TMEM132C: variants seen among roughly 807,000 people sequenced by gnomAD.
The protein encoded by TMEM132C is protein phosphatase 1, regulatory subunit 152.
A neutral mutation model predicts 61.4 loss-of-function variants in TMEM132C; 29 were observed. The observed-to-expected ratio is 0.47, with a 90% CI of 0.35 to 0.64. TMEM132C has a LOEUF of 0.64. TMEM132C is among the 30% of genes least tolerant of loss of function. TMEM132C has a pLI of 0.00. For synonymous variants in TMEM132C, 656 were observed against 633.1 expected, an observed-to-expected ratio of 1.04 and a Z score of -0.54; for missense variants, 1,408 against 1,476.9, an observed-to-expected ratio of 0.95 and a Z score of 0.76.
rs1206662268 is a variant in TMEM132C at position 128,705,121 on chromosome 12, G to A, written c.2153G>A (p.Ser718Asn). ...EAVFSTWLQF[S>N]DGSVTPLDIY... ...GTATTCAGCACGTGGCTGCAGTTCA[G>A]TGATGGCTCTGTGACGCCCCTGGAC... Residue 718 changes from serine to asparagine, a missense_variant, in exon 9 of 9, where the codon AGT (serine) becomes AAT (asparagine). Ser to Asn is a conservative substitution (Grantham distance 46, BLOSUM62 1). Coordinates refer to ENST00000435159, the MANE Select transcript of TMEM132C (RefSeq NM_001136103.3). 1 of 1,548,896 alleles carries A rather than the reference G, an allele frequency of 6.5e-7. No individual in the cohort carries two copies. Among genetic ancestry groups the A allele is most frequent in the Admixed American group, 2.0e-5 (1 of 50,870 alleles).
chr12:128,330,986 C>T (rs1208007810), intron 1 of TMEM132C, among the ~76,000 whole-genome samples: 3 of 152,178 alleles, frequency 2.0e-5, no homozygotes, highest in African/African-American at 7.2e-5. Context: ...AGAATTTCAT[C>T]CTGTTTGTGT....
intron 1 of TMEM132C, among the ~76,000 whole-genome samples, chr12:128,379,464 G>A (rs889743332): frequency 6.6e-6 from 1 of 152,148 alleles, no homozygotes; most frequent in African/African-American, 2.4e-5. Flanking sequence ...AAGACAACAG[G>A]GATTTAATTC....
intron 2 of TMEM132C, among the ~76,000 whole-genome samples, chr12:128,487,628 T>TATATGC (rs1354156295): frequency 6.9e-6 from 1 of 145,042 alleles, no homozygotes; most frequent in Admixed American, 6.9e-5. Flanking sequence ...TATATATATA[T>TATATGC]ATGCATGCAT....
At chr12:128,539,478 C>T (rs1297513189) in intron 2 of TMEM132C, among the ~76,000 whole-genome samples, 5 of 152,112 alleles carry the variant, frequency 3.3e-5, no homozygotes, top group Admixed American at 1.3e-4. Flanking sequence ...ATTAGCTGGG[C>T]GTGGCGGTGG....
intron 1 of TMEM132C, among the ~76,000 whole-genome samples, chr12:128,283,465 T>C (rs1022194079): frequency 2.6e-5 from 4 of 152,082 alleles, no homozygotes; most frequent in Non-Finnish European, 4.4e-5. Flanking sequence ...TGTGCACACA[T>C]TGGCCTTTCT....
intron 2 of TMEM132C, among the ~76,000 whole-genome samples, chr12:128,525,655 A>G (rs1312834127): frequency 2.0e-5 from 3 of 152,042 alleles, no homozygotes; most frequent in Non-Finnish European, 4.4e-5. Context: ...AGCTTCTAGA[A>G]CCCATCGGCC....
intron 1 of TMEM132C, among the ~76,000 whole-genome samples, chr12:128,392,076 CT>C (rs1874785973): frequency 6.6e-6 from 1 of 151,646 alleles, no homozygotes; most frequent in Non-Finnish European, 1.5e-5. Context: ...CTCTCTCTCT[CT>C]CTCTCTCTCT....
intron 2 of TMEM132C, among the ~76,000 whole-genome samples, chr12:128,475,024 G>A (rs1871108942): frequency 6.6e-6 from 1 of 152,140 alleles, no homozygotes; most frequent in Admixed American, 6.5e-5. Context: ...CCAGTGCCGA[G>A]GCTACATGTG....
chr12:128,569,765 C>A (rs766186682), intron 3 of TMEM132C, among the ~76,000 whole-genome samples: 1 of 152,154 alleles, frequency 6.6e-6, no homozygotes, highest in Non-Finnish European at 1.5e-5. Context: ...GAAAACTTAG[C>A]CACACTGGGC....
At chr12:128,604,450 T>TAGATA (rs1010393054) in intron 3 of TMEM132C, among the ~76,000 whole-genome samples, 2 of 146,886 alleles carry the variant, frequency 1.4e-5, no homozygotes, top group African/African-American at 5.1e-5. Flanking sequence ...GATAGATAGA[T>TAGATA]AATAGATGGA....
chr12:128,320,915 C>T lies in TMEM132C; in HGVS notation c.85+53428C>T, dbSNP rs551115563. ...AGATGCCATCACCAATGTCCATTTT[C>T]GGATTGTTGATGTGAGGCCCATGCT... On this transcript the variant is annotated intron_variant, in intron 1 of 8. Transcript: ENST00000435159. 4.3e-4 allele frequency among the ~76,000 whole-genome samples: 65 copies of T among 151,676 alleles called. No individual in the cohort carries two copies. The South Asian group carries it at 0.012, about 28-fold the overall frequency.
chr12:128,622,359 AAATAT>A (rs1174586761), intron 4 of TMEM132C, among the ~76,000 whole-genome samples: 8 of 56,402 alleles, frequency 1.4e-4, no homozygotes, highest in African/African-American at 1.2e-4. Context: ...AAAAAAAAAA[AAATAT>A]ATATATATAT....
chr12:128,526,500 T>G (rs1332810140), intron 2 of TMEM132C, among the ~76,000 whole-genome samples: 1 of 152,176 alleles, frequency 6.6e-6, no homozygotes, highest in South Asian at 2.1e-4. Flanking sequence ...GCCAACACCT[T>G]GGGAGTTAGG....
intron 2 of TMEM132C, among the ~76,000 whole-genome samples, chr12:128,457,316 A>AC (rs1345612928): frequency 6.6e-6 from 1 of 151,622 alleles, no homozygotes; most frequent in Non-Finnish European, 1.5e-5. Context: ...AAAAAAAAAA[A>AC]AAAAAACAGC....
intron 1 of TMEM132C, among the ~76,000 whole-genome samples, chr12:128,355,320 C>T (rs533854422): frequency 6.6e-6 from 1 of 152,208 alleles, no homozygotes; most frequent in South Asian, 2.1e-4. Context: ...TGGGTTTGTG[C>T]CTGAGGAGGG....
Position 128,380,516 on chromosome 12 carries a change from G to A in TMEM132C, c.86-34216G>A, listed in dbSNP as rs143259247. Among the ~76,000 whole-genome samples the A allele has an allele frequency of 2.0e-5, 3 of 152,374 alleles. No individual in the cohort carries two copies. The East Asian group carries it at 5.8e-4, about 29-fold the overall frequency. On this transcript the variant is annotated intron_variant, in intron 1 of 8. Coordinates refer to ENST00000435159, the MANE Select transcript of TMEM132C (RefSeq NM_001136103.3). ...AGCATCCCATCTTTTCTAAGACAGA[G>A]AAATTGGAGGGAAGTACAATCCATT...
intron 2 of TMEM132C, among the ~76,000 whole-genome samples, chr12:128,511,640 G>C (rs7310720): frequency 0.98 from 149,378 of 152,308 alleles, 73,311 homozygotes; most frequent in East Asian, 1. Context: ...GCATTACAAC[G>C]AGATGCTCAC....
chr12:128,474,717 A>G (rs1019378973), intron 2 of TMEM132C, among the ~76,000 whole-genome samples: 1 of 152,194 alleles, frequency 6.6e-6, no homozygotes, highest in Non-Finnish European at 1.5e-5. Context: ...CACTCCATGC[A>G]GTCCCTTATT....
rs139401434 is a variant in TMEM132C, at chr12:128,481,545, C to T, written c.975-62412C>T. On this transcript the variant is annotated intron_variant, in intron 2 of 8. Transcript: ENST00000435159. The stretch of plus-strand genomic sequence containing the variant: ...CATAAGCACGCTTGTTACCCCCTGC[C>T]GTGCGGATGAGAGAGCTGAGGCCTA... Among the ~76,000 whole-genome samples the T allele has an allele frequency of 1.9e-3, 287 of 152,300 alleles. 1 individual carries two copies. Among genetic ancestry groups the T allele is most frequent in the African/African-American group, 6.6e-3 (274 of 41,576 alleles).
Sources: allele counts gnomAD v4.1 joint callset (sites outside exome capture counted in the v4.1 genomes callset), GRCh38; gene constraint gnomAD v4.1.1; transcripts MANE v1.5; gene names NCBI Gene and HGNC (gene_info 2026-07-23, HGNC 2026-07-21).